Variants in SP4 observed in about 807,000 individuals in gnomAD.
The protein encoded by SP4 is transcription factor Sp4.
A neutral mutation model predicts 72.8 loss-of-function variants in SP4; 19 were observed. That is an observed-to-expected ratio of 0.26 (90% CI 0.18 to 0.38). The LOEUF (loss-of-function observed/expected upper bound fraction) is 0.38, where lower values mean the gene tolerates loss of function less well. Among genes scored for constraint, SP4 ranks in the 10% least tolerant of loss-of-function variants. SP4 has a pLI of 1.00. For synonymous variants in SP4, 395 were observed against 333.1 expected, an observed-to-expected ratio of 1.19 and a Z score of -2.02; for missense variants, 1,008 against 926.3, an observed-to-expected ratio of 1.09 and a Z score of -1.14.
At chr7:21,508,180 C>G (rs1228307899) in intron 5 of SP4, among the ~76,000 whole-genome samples, 3 of 152,272 alleles carry the variant, frequency 2.0e-5, no homozygotes, top group East Asian at 1.9e-4. Context: ...CCTCTGCCCT[C>G]TCGGCTGGAG....
chr7:21,490,627 G>C (rs1784951009), intron 5 of SP4, among the ~76,000 whole-genome samples: 1 of 152,144 alleles, frequency 6.6e-6, no homozygotes, highest in Non-Finnish European at 1.5e-5. Context: ...AAAGGCATAG[G>C]GGAAATTTTG....
In SP4 at chr7:21,429,919, C is replaced by A; in HGVS notation, c.754C>A (p.Gln252Lys). The A allele has an allele frequency of 6.2e-7, 1 of 1,614,192 alleles. No individual in the cohort carries two copies. The highest frequency in any genetic ancestry group is 1.6e-4 in the Middle Eastern group (1 of 6,062). The change falls in exon 3 of 6, where the codon CAA (glutamine) becomes AAA (lysine). Residue 252 changes from glutamine (Q) to lysine (K), a missense_variant. Transcript: ENST00000222584. The stretch of plus-strand genomic sequence containing the variant: ...ACAGACTCTTCCTGGTACTCAGGCT[C>A]AAGTTGTAACAACCCTACCAATTAA... ...QLQTLPGTQA[Q>K]VVTTLPINIG...
At chr7:21,498,878 G>T (rs1027234514) in intron 5 of SP4, among the ~76,000 whole-genome samples, 3 of 152,182 alleles carry the variant, frequency 2.0e-5, no homozygotes, top group African/African-American at 4.8e-5. Context: ...GAGGTCAGGA[G>T]ATCGAGACCA....
chr7:21,473,060 C>T (rs562950397), intron 3 of SP4, among the ~76,000 whole-genome samples: 4 of 152,204 alleles, frequency 2.6e-5, no homozygotes, highest in East Asian at 1.9e-4. Context: ...TTATTGAGCA[C>T]GAAAGTGAGA....
chr7:21,471,780 G>A (rs1784352235), intron 3 of SP4, among the ~76,000 whole-genome samples: 1 of 152,238 alleles, frequency 6.6e-6, no homozygotes, highest in Admixed American at 6.5e-5. Flanking sequence ...GCTACAGTAA[G>A]CCATGATTGT....
At chr7:21,435,136 TATGTAGTAACAGAGATC>T (rs1362990782) in intron 3 of SP4, among the ~76,000 whole-genome samples, 1 of 152,246 alleles carries the variant, frequency 6.6e-6, no homozygotes, top group Non-Finnish European at 1.5e-5. Flanking sequence ...GTAATCATCA[TATGTAGTAACAGAGATC>T]ATACTGTAGG....
intron 5 of SP4, among the ~76,000 whole-genome samples, chr7:21,484,842 A>T (rs969201128): frequency 2.0e-5 from 3 of 151,790 alleles, no homozygotes; most frequent in African/African-American, 7.3e-5. Flanking sequence ...TTGCAGATAC[A>T]CAAAACAAAT....
intron 5 of SP4, 127 bp from the exon 6 acceptor site, chr7:21,510,891 AAAAC>A (rs1284652059): frequency 2.6e-5 from 22 of 833,918 alleles, no homozygotes; most frequent in South Asian, 1.9e-4. Flanking sequence ...GTTTTTAAAT[AAAAC>A]AAAGCATTTT....
chr7:21,486,528 G>GT (rs142243614), intron 5 of SP4, among the ~76,000 whole-genome samples: 1,868 of 152,088 alleles, frequency 0.012, 19 homozygotes, highest in South Asian at 0.034. Context: ...TTTGAAAGTG[G>GT]TTTTGGTATT....
At chr7:21,475,685 G>T (rs142742884) in intron 3 of SP4, among the ~76,000 whole-genome samples, 1 of 152,036 alleles carries the variant, frequency 6.6e-6, no homozygotes, top group African/African-American at 2.4e-5. Flanking sequence ...GGATGGTCTC[G>T]ATCTCCTGAC....
chr7:21,445,113 G>GA (rs570093635), intron 3 of SP4, among the ~76,000 whole-genome samples: 19 of 152,132 alleles, frequency 1.2e-4, no homozygotes, highest in African/African-American at 4.3e-4. Context: ...TTGAATAAAT[G>GA]AAAAAACACA....
chr7:21,428,278 C>A lies in SP4; in HGVS notation c.7+20C>A. ...TGAGCGGTACGTATTCTCCACCCCC[C>A]TCAGTCTCCTTCGCCGCCTCCCTCT... On this transcript the variant is annotated intron_variant, in intron 1 of 5. Transcript: ENST00000222584. The A allele has an allele frequency of 1.4e-6, 2 of 1,452,796 alleles. No individual in the cohort carries two copies. The highest frequency in any genetic ancestry group is 1.9e-6 in the Non-Finnish European group (2 of 1,056,526). The allele number at this position is 1,452,796 out of a possible 1,614,324, so 90.0% of individuals were successfully genotyped here.
intron 3 of SP4, among the ~76,000 whole-genome samples, chr7:21,448,275 AAAG>A (rs150688480): frequency 0.2 from 30,814 of 152,024 alleles, 3,243 homozygotes; most frequent in Middle Eastern, 0.41. Context: ...ATTTTTTAAA[AAAG>A]AAAATTGTGC....
intron 1 of SP4, 29 bp from the exon 2 acceptor site, chr7:21,428,648 T>C: frequency 6.8e-7 from 1 of 1,469,538 alleles, no homozygotes; most frequent in Non-Finnish European, 9.3e-7. Flanking sequence ...CCTGTTGTCG[T>C]GTGTGTGTGG....
At chr7:21,452,742 T>A in intron 3 of SP4, among the ~76,000 whole-genome samples, 1 of 152,022 alleles carries the variant, frequency 6.6e-6, no homozygotes, top group Non-Finnish European at 1.5e-5. Context: ...CTGAGAGAAG[T>A]ATGTTCCAAA....
intron 5 of SP4, among the ~76,000 whole-genome samples, chr7:21,489,553 C>CTTTTTTTTTT (rs1193080485): frequency 1.2e-5 from 1 of 82,514 alleles, no homozygotes; most frequent in Non-Finnish European, 2.3e-5. Flanking sequence ...TTTCTTTTTT[C>CTTTTTTTTTT]TTTTTTTTTT....
At chr7:21,446,210 T>TG (rs1349774035) in intron 3 of SP4, among the ~76,000 whole-genome samples, 1 of 152,174 alleles carries the variant, frequency 6.6e-6, no homozygotes. Context: ...CCAGCTCATA[T>TG]GGGGATATTT....
intron 3 of SP4, among the ~76,000 whole-genome samples, chr7:21,470,567 C>G (rs1784303922): frequency 1.3e-5 from 2 of 152,072 alleles, no homozygotes; most frequent in Non-Finnish European, 2.9e-5. Flanking sequence ...TACGTGTTAG[C>G]TTAAATTCAA....
intron 3 of SP4, among the ~76,000 whole-genome samples, chr7:21,455,618 A>G (rs1357196124): frequency 6.6e-6 from 1 of 152,176 alleles, no homozygotes; most frequent in East Asian, 1.9e-4. Flanking sequence ...AGAACATTGG[A>G]GACACCAATA....
Sources: gnomAD v4.1 joint callset for allele counts (sites outside exome capture counted in the v4.1 genomes callset) on GRCh38, gnomAD v4.1.1 for gene constraint, MANE v1.5 for transcripts, NCBI Gene and HGNC (gene_info 2026-07-23, HGNC 2026-07-21) for gene names.